The following CELF2 variants were observed in gnomAD, a reference collection of about 807,000 sequenced individuals.
CELF2 encodes the protein CUG triplet repeat RNA-binding protein 2.
In CELF2, 8 loss-of-function variants were observed where a neutral mutation model predicts 62.6. The ratio of observed to expected loss-of-function variants is 0.13; its 90% CI spans 0.07 to 0.23. The LOEUF (loss-of-function observed/expected upper bound fraction) is 0.23, where lower values mean the gene tolerates loss of function less well. Ranked by LOEUF, CELF2 falls within the 10% of genes least tolerant of loss-of-function variation. The pLI is 1.00. For missense variants in CELF2, 333 were observed against 671.0 expected, an observed-to-expected ratio of 0.50 and a Z score of 5.56; for synonymous variants, 258 against 250.0, an observed-to-expected ratio of 1.03 and a Z score of -0.30.
At chr10:10,868,586 T>C (rs1027032825) in intron 1 of CELF2, among the ~76,000 whole-genome samples, 1 of 152,200 alleles carries the variant, frequency 6.6e-6, no homozygotes, top group East Asian at 1.9e-4. Context: ...AAAGGTCACA[T>C]GGCAGAAGAG....
chr10:10,921,357 C>T (rs1457333044), intron 2 of CELF2, among the ~76,000 whole-genome samples: 1 of 152,018 alleles, frequency 6.6e-6, no homozygotes, highest in Admixed American at 6.6e-5. Context: ...GCAACCTCCG[C>T]CCCTGGGTTC....
the CELF2 span, among the ~76,000 whole-genome samples, chr10:10,558,653 T>G: frequency 6.6e-6 from 1 of 152,092 alleles, no homozygotes; most frequent in Admixed American, 6.6e-5. Flanking sequence ...CGGCTGTGAA[T>G]CCATCTGGTC....
chr10:11,285,826 GGTGTGT>G lies in CELF2; in HGVS notation c.842-2545_842-2540del, dbSNP rs71378788. ...TTGCTCATCACCTACTATATATATT[GGTGTGT>G]GTGTGTGTGTGTGTGTGTGTGTGTG... On this transcript the variant is annotated intron_variant, in intron 8 of 12. Transcript: ENST00000633077. This position sits in a 1 kb window ranked among gnomAD's most constrained non-coding sequence, Gnocchi z 4.3. Among the ~76,000 whole-genome samples the G allele has an allele frequency of 0.044, 5,719 of 128,660 alleles. 157 individuals are homozygous for G. The highest frequency in any genetic ancestry group is 0.065 in the South Asian group (240 of 3,692). 84.4% of individuals were successfully genotyped at this position (128,660 alleles called of 152,430 possible). A position where few individuals can be genotyped will look rare whatever the true frequency, so the allele number is the denominator to read the frequency against.
intron 2 of CELF2, among the ~76,000 whole-genome samples, chr10:10,991,709 A>G (rs1474712785): frequency 6.6e-6 from 1 of 152,182 alleles, no homozygotes; most frequent in Non-Finnish European, 1.5e-5. Flanking sequence ...AGCTGCCCCC[A>G]AAGACTTGAA....
At chr10:11,287,134 C>T (rs1338498084) in intron 8 of CELF2, among the ~76,000 whole-genome samples, 1 of 152,182 alleles carries the variant, frequency 6.6e-6, no homozygotes, top group African/African-American at 2.4e-5. Flanking sequence ...ACGGAAGCAG[C>T]TCTCAGGGCA....
At chr10:10,540,328 T>C in the CELF2 span, among the ~76,000 whole-genome samples, 1 of 152,148 alleles carries the variant, frequency 6.6e-6, no homozygotes, top group African/African-American at 2.4e-5. Context: ...AGCACCCTCA[T>C]TACCCTTATC....
chr10:10,980,813 G>T (rs1358147396), intron 2 of CELF2, among the ~76,000 whole-genome samples: 3 of 151,986 alleles, frequency 2.0e-5, no homozygotes, highest in Admixed American at 2.0e-4. Flanking sequence ...TGAAGATGGG[G>T]CCTTCCTATG....
chr10:10,479,780 T>C, the CELF2 span, among the ~76,000 whole-genome samples: 7 of 152,244 alleles, frequency 4.6e-5, no homozygotes, highest in East Asian at 1.9e-4. Flanking sequence ...TCCTCAAACA[T>C]TCGTTATGTG....
the CELF2 span, among the ~76,000 whole-genome samples, chr10:10,663,673 T>C: frequency 2.0e-5 from 3 of 152,210 alleles, no homozygotes; most frequent in African/African-American, 4.8e-5. Context: ...GGCTGACCCA[T>C]TGAAAAACAT....
the CELF2 span, among the ~76,000 whole-genome samples, chr10:10,672,996 T>C: frequency 1.1e-3 from 173 of 152,236 alleles, no homozygotes; most frequent in Non-Finnish European, 1.9e-3. Context: ...TTTCCTCATA[T>C]AGATCTTGTA....
chr10:10,922,118 CA>C (rs11439941), intron 2 of CELF2, among the ~76,000 whole-genome samples: 60 of 150,306 alleles, frequency 4.0e-4, no homozygotes, highest in African/African-American at 1.2e-3. Context: ...TTAATATTGC[CA>C]AAAAAAAACT....
the CELF2 span, among the ~76,000 whole-genome samples, chr10:10,694,818 G>C: frequency 6.6e-6 from 1 of 151,716 alleles, no homozygotes; most frequent in African/African-American, 2.4e-5. Flanking sequence ...TGTTTTATCA[G>C]AGATGAGGAT....
At chr10:10,825,184 T>G (rs983081572) in intron 1 of CELF2, among the ~76,000 whole-genome samples, 10 of 152,054 alleles carry the variant, frequency 6.6e-5, no homozygotes, top group African/African-American at 1.7e-4. Context: ...ACCGATTTTT[T>G]TTGTTGTTGT....
the CELF2 span, among the ~76,000 whole-genome samples, chr10:10,650,066 G>C: frequency 6.6e-6 from 1 of 152,150 alleles, no homozygotes; most frequent in African/African-American, 2.4e-5. Flanking sequence ...ATCAGGAAAC[G>C]TTCAGACTAT....
intron 1 of CELF2, among the ~76,000 whole-genome samples, chr10:11,067,554 G>T (rs2068507656): frequency 6.6e-6 from 1 of 152,134 alleles, no homozygotes; most frequent in Non-Finnish European, 1.5e-5. Context: ...GACAGTACAA[G>T]CCTTTTAGAA....
intron 1 of CELF2, among the ~76,000 whole-genome samples, chr10:10,814,681 A>G (rs1210368514): frequency 6.6e-6 from 1 of 152,220 alleles, no homozygotes; most frequent in Non-Finnish European, 1.5e-5. Context: ...ATGGCCCTCC[A>G]GTTTCCTCCT....
the CELF2 span, among the ~76,000 whole-genome samples, chr10:10,684,674 G>T: frequency 3.1e-4 from 47 of 152,230 alleles, no homozygotes; most frequent in African/African-American, 1.1e-3. Flanking sequence ...AGCCCAGGAG[G>T]TTGAGCCTGC....
chr10:10,606,425 T>C, the CELF2 span, among the ~76,000 whole-genome samples: 4 of 152,134 alleles, frequency 2.6e-5, no homozygotes, highest in Non-Finnish European at 5.9e-5. Flanking sequence ...TTAATTAAAT[T>C]AAAGTGGTGG....
At chr10:10,536,065 GC>G in the CELF2 span, among the ~76,000 whole-genome samples, 1 of 150,778 alleles carries the variant, frequency 6.6e-6, no homozygotes, top group Non-Finnish European at 1.5e-5. Context: ...CTGTCGCCAG[GC>G]TGTAGTGCAG....
Sources: gnomAD v4.1 joint callset for allele counts (sites outside exome capture counted in the v4.1 genomes callset) on GRCh38, gnomAD v4.1.1 for gene constraint, Gnocchi (gnomAD v3.1) non-coding constraint, MANE v1.5 for transcripts, NCBI Gene and HGNC (gene_info 2026-07-23, HGNC 2026-07-21) for gene names.